Variants in RASAL2 observed in about 807,000 individuals in gnomAD.
RASAL2 encodes RAS protein activator like 2, also known as ras GTPase-activating protein nGAP.
RASAL2 carries 58 observed loss-of-function variants against 128.9 expected under a neutral mutation model. The observed-to-expected ratio is 0.45, with a 90% confidence interval of 0.36 to 0.56. The LOEUF is 0.56. RASAL2 is among the 20% of genes least tolerant of loss of function. RASAL2 has a pLI of 0.00. For synonymous variants in RASAL2, 561 were observed against 580.8 expected (o/e 0.97, Z 0.49); for missense variants, 1,360 against 1,601.6 (o/e 0.85, Z 2.57).
chr1:178,413,576 A>G (rs547339124), intron 4 of RASAL2, among the ~76,000 whole-genome samples: 3 of 152,350 alleles, frequency 2.0e-5, no homozygotes, highest in Non-Finnish European at 2.9e-5. Flanking sequence ...AGTATTTAGC[A>G]TATCCAGCTA....
chr1:178,132,129 C>T (rs570595743), intron 1 of RASAL2, among the ~76,000 whole-genome samples: 2 of 152,110 alleles, frequency 1.3e-5, no homozygotes, highest in Non-Finnish European at 2.9e-5. Flanking sequence ...TAGCCTCAAA[C>T]TCCTGGGCTG....
chr1:178,374,547 C>G (rs910357232), intron 3 of RASAL2, among the ~76,000 whole-genome samples: 1 of 152,144 alleles, frequency 6.6e-6, no homozygotes, highest in Non-Finnish European at 1.5e-5. Flanking sequence ...AATAACGTAG[C>G]TCACTGCTAG....
chr1:178,366,760 A>AT (rs1671425892), intron 3 of RASAL2, among the ~76,000 whole-genome samples: 1 of 152,150 alleles, frequency 6.6e-6, no homozygotes, highest in Non-Finnish European at 1.5e-5. Flanking sequence ...TCGGCCATAA[A>AT]AAGGAATGAA....
At chr1:178,188,858 C>T (rs1571605126) in intron 1 of RASAL2, among the ~76,000 whole-genome samples, 1 of 152,088 alleles carries the variant, frequency 6.6e-6, no homozygotes, top group East Asian at 1.9e-4. Context: ...ACTAAAAGTA[C>T]CTAATTTCTA....
intron 14 of RASAL2, among the ~76,000 whole-genome samples, chr1:178,461,307 T>C (rs1163283741): frequency 6.6e-6 from 1 of 152,178 alleles, no homozygotes; most frequent in Non-Finnish European, 1.5e-5. Flanking sequence ...CGGCTGTAAT[T>C]ATCAGTAGCT....
At chr1:178,197,139 CGTT>C (rs1160338710) in intron 1 of RASAL2, among the ~76,000 whole-genome samples, 1 of 152,150 alleles carries the variant, frequency 6.6e-6, no homozygotes, top group Non-Finnish European at 1.5e-5. Context: ...CATCGTGAAA[CGTT>C]GTCTCTACTG....
At chr1:178,169,033 G>A (rs563362910) in intron 1 of RASAL2, among the ~76,000 whole-genome samples, 48 of 152,046 alleles carry the variant, frequency 3.2e-4, no homozygotes, top group African/African-American at 1.1e-3. Context: ...TTTTATTGAG[G>A]CAGTATTTAT....
At chr1:178,352,344 AT>A (rs1254835312) in intron 3 of RASAL2, among the ~76,000 whole-genome samples, 1 of 152,222 alleles carries the variant, frequency 6.6e-6, no homozygotes, top group East Asian at 1.9e-4. Flanking sequence ...GCCAGCAAGT[AT>A]TCTTGGGGCA....
intron 1 of RASAL2, among the ~76,000 whole-genome samples, chr1:178,216,285 G>A (rs1050279289): frequency 2.5e-4 from 38 of 152,130 alleles, no homozygotes; most frequent in African/African-American, 8.9e-4. Context: ...AAAAAGGCTC[G>A]ATCTTGTCGT....
chr1:178,424,540 C>T (rs989505124), intron 5 of RASAL2, among the ~76,000 whole-genome samples: 1 of 152,212 alleles, frequency 6.6e-6, no homozygotes, highest in South Asian at 2.1e-4. Context: ...CGGTTCACTG[C>T]AGCCTTGACT....
chr1:178,305,233 C>T (rs927713789), intron 3 of RASAL2, among the ~76,000 whole-genome samples: 6 of 152,024 alleles, frequency 3.9e-5, no homozygotes, highest in South Asian at 4.2e-4. Context: ...ACAAAGCAGT[C>T]GACAAATCCA....
chr1:178,110,956 T>G (rs1659298638), intron 1 of RASAL2, among the ~76,000 whole-genome samples: 1 of 152,120 alleles, frequency 6.6e-6, no homozygotes, highest in Non-Finnish European at 1.5e-5. Context: ...TTTTTTCTTT[T>G]TACGGAATAT....
intron 1 of RASAL2, among the ~76,000 whole-genome samples, chr1:178,274,620 T>G (rs1351664518): frequency 1.3e-5 from 2 of 152,154 alleles, no homozygotes; most frequent in Non-Finnish European, 2.9e-5. Flanking sequence ...AGGGTCTTGC[T>G]CTGTCACCCA....
chr1:178,294,952 C>A (rs1389104233), intron 2 of RASAL2, among the ~76,000 whole-genome samples: 2 of 152,132 alleles, frequency 1.3e-5, no homozygotes, highest in Non-Finnish European at 2.9e-5. Flanking sequence ...AATAGAGATA[C>A]TAGTGGTCAT....
At chr1:178,296,668 AT>A (rs1160539560) in intron 2 of RASAL2, among the ~76,000 whole-genome samples, 8,631 of 113,710 alleles carry the variant, frequency 0.076, 485 homozygotes, top group African/African-American at 0.19. Flanking sequence ...CCTGGCCTTG[AT>A]TTTTTTTTTT....
At position 178,230,521 on chromosome 1, in the gene RASAL2, A is replaced by T. The variant is rs371638327; in HGVS notation, c.203-53043A>T. Among the ~76,000 whole-genome samples the T allele has an allele frequency of 3.8e-3, 579 of 152,210 alleles. 3 individuals are homozygous for T. Among genetic ancestry groups the T allele is most frequent in the African/African-American group, 0.013 (539 of 41,528 alleles). On this transcript the variant is annotated intron_variant, in intron 1 of 17. Coordinates refer to ENST00000367649, the MANE Select transcript of RASAL2 (RefSeq NM_170692.4). Reference sequence around the variant, plus strand: ...GTGAGTAATATCTCATTATGGCTTTAATTTGCATTTCCCCAATTACTAATG... The same window carrying T: ...GTGAGTAATATCTCATTATGGCTTTTATTTGCATTTCCCCAATTACTAATG...
chr1:178,224,142 A>G (rs1270525606), intron 1 of RASAL2, among the ~76,000 whole-genome samples: 2 of 152,148 alleles, frequency 1.3e-5, no homozygotes, highest in Non-Finnish European at 2.9e-5. Context: ...AAAGTCTCCC[A>G]ACACTTAGAG....
At chr1:178,111,833 G>T (rs1030479497) in intron 1 of RASAL2, among the ~76,000 whole-genome samples, 1 of 152,084 alleles carries the variant, frequency 6.6e-6, no homozygotes, top group African/African-American at 2.4e-5. Flanking sequence ...GGGTTCAAGC[G>T]ATTCTCCCAC....
chr1:178,301,703 G>A (rs1667773807), intron 3 of RASAL2, among the ~76,000 whole-genome samples: 1 of 152,122 alleles, frequency 6.6e-6, no homozygotes, highest in Admixed American at 6.5e-5. Context: ...AAAGTGCTAG[G>A]AATAAAGCAT....
Sources: gnomAD v4.1 joint callset for allele counts (sites outside exome capture counted in the v4.1 genomes callset) on GRCh38, gnomAD v4.1.1 for gene constraint, MANE v1.5 for transcripts, NCBI Gene and HGNC (gene_info 2026-07-23, HGNC 2026-07-21) for gene names.